Variants in CEP95 observed in about 807,000 individuals in gnomAD.
CEP95 encodes the protein centrosomal protein of 95 kDa.
A neutral mutation model predicts 111.2 loss-of-function variants in CEP95; 98 were observed. The observed-to-expected ratio is 0.88, with a 90% CI of 0.75 to 1.04. CEP95 has a LOEUF of 1.04. Ranked by LOEUF, CEP95 falls within the 50% of genes least tolerant of loss-of-function variation. The pLI, the probability that CEP95 is intolerant of heterozygous loss-of-function variation, is 0.00. For missense variants in CEP95, 1,027 were observed against 977.2 expected, an observed-to-expected ratio of 1.05 and a Z score of -0.68; for synonymous variants, 323 against 327.1, an observed-to-expected ratio of 0.99 and a Z score of 0.14.
At chr17:64,525,512 AT>A (rs1967741683) in intron 8 of CEP95, among the ~76,000 whole-genome samples, 1 of 152,154 alleles carries the variant, frequency 6.6e-6, no homozygotes, top group Non-Finnish European at 1.5e-5. Context: ...GAAATTTCAT[AT>A]TTAGAGAACA....
chr17:64,506,809 C>G (rs1555673002), upstream of CEP95: 2 of 571,482 alleles, frequency 3.5e-6, no homozygotes, highest in Non-Finnish European at 3.2e-6. Context: ...CTGATGTGGA[C>G]CGTCCGACCC....
At chr17:64,517,202 A>G (rs986578720) in intron 5 of CEP95, among the ~76,000 whole-genome samples, 2 of 152,030 alleles carry the variant, frequency 1.3e-5, no homozygotes, top group Non-Finnish European at 2.9e-5. Flanking sequence ...ACGCGCCACC[A>G]TGCCCGGCTA....
Position 64,533,195 on chromosome 17 carries a change from T to C in CEP95, c.1917+4T>C, listed in dbSNP as rs1555680819. 1.3e-6 allele frequency: 2 copies of C among 1,578,396 alleles called. No homozygotes were observed. Among genetic ancestry groups the C allele is most frequent in the South Asian group, 2.3e-5 (2 of 85,188 alleles). ...ATATGAACATAACAAGAGACTGGTA[T>C]GTCAAGAGCAAGTTGGGTATTATAA... On this transcript the variant is annotated splice_donor_region_variant and intron_variant, in intron 16 of 19. Coordinates refer to ENST00000556440, the MANE Select transcript of CEP95 (RefSeq NM_138363.3).
At chr17:64,507,189 C>T (rs2038592887) in intron 1 of CEP95, 73 bp downstream of exon 1, 3 of 1,549,192 alleles carry the variant, frequency 1.9e-6, no homozygotes, top group Admixed American at 3.9e-5. Context: ...CGGGCTAGCC[C>T]GGACTGGGTC....
intron 1 of CEP95, chr17:64,507,772 A>G (rs563120087): frequency 1.0e-6 from 1 of 985,462 alleles, no homozygotes; most frequent in Non-Finnish European, 1.2e-6. Context: ...ATTCGTTTCC[A>G]GAACGTTACG....
At chr17:64,506,915 C>T (rs577021352), upstream of CEP95, 33 of 712,292 alleles carry the variant, frequency 4.6e-5, no homozygotes, top group East Asian at 6.2e-4. Context: ...AAAGGAAGTG[C>T]TCCTCTGATG....
At chr17:64,536,420 G>T (rs990007911) in intron 17 of CEP95, 182 bp from the exon 18 acceptor site, 6 of 435,630 alleles carry the variant, frequency 1.4e-5, no homozygotes, top group African/African-American at 2.1e-5. Flanking sequence ...CTACACTCCA[G>T]CCTGGGTGAC....
At chr17:64,509,869 GCTT>G (rs1555674241) in intron 2 of CEP95, among the ~76,000 whole-genome samples, 6 of 151,528 alleles carry the variant, frequency 4.0e-5, no homozygotes, top group Admixed American at 3.3e-4. Flanking sequence ...TTAACATGGT[GCTT>G]CTTGTAAAGC....
At position 64,534,628 on chromosome 17, in the gene CEP95, CAAAGAT is replaced by C. The variant is rs1968521928; in HGVS notation, c.1965_1970del (p.Ile656_Lys657del). On this transcript the variant is annotated inframe_deletion, in exon 17 of 20. Transcript: ENST00000556440. The stretch of plus-strand genomic sequence containing the variant: ...ATTCGTAGGCAAAGGTTGACCCAAT[CAAAGAT>C]AAAAGAAAATCGACAGCAAATCGTT... 1 of 1,600,362 alleles carries C rather than the reference CAAAGAT, an allele frequency of 6.2e-7. No homozygotes were observed. Among genetic ancestry groups the C allele is most frequent in the South Asian group, 1.1e-5 (1 of 90,834 alleles).
At chr17:64,525,968 G>C (rs782252119) in intron 9 of CEP95, 86 bp downstream of exon 9, 26 of 1,492,210 alleles carry the variant, frequency 1.7e-5, no homozygotes, top group Non-Finnish European at 1.4e-5. Flanking sequence ...ATTTAGCTGT[G>C]AAGACCAGAA....
intron 13 of CEP95, 79 bp from the exon 14 acceptor site, chr17:64,531,811 C>T (rs1298762114): frequency 8.6e-6 from 9 of 1,041,876 alleles, no homozygotes; most frequent in Admixed American, 3.8e-5. Flanking sequence ...CTGTTTTTGT[C>T]AGTATGTAAT....
At chr17:64,517,993 C>T (rs1967004716) in intron 5 of CEP95, among the ~76,000 whole-genome samples, 1 of 152,120 alleles carries the variant, frequency 6.6e-6, no homozygotes, top group Non-Finnish European at 1.5e-5. Context: ...TCTTGTGCCT[C>T]AGCCTCCTGA....
chr17:64,525,748 A>G (rs910171274), intron 8 of CEP95, 22 bp from the exon 9 acceptor site: 1 of 1,501,924 alleles, frequency 6.7e-7, no homozygotes, highest in South Asian at 1.2e-5. Context: ...TTTCAAATCA[A>G]CTTTTTTTCT....
chr17:64,534,570 C>T lies in CEP95; in HGVS notation c.1918-15C>T, dbSNP rs782194764. 6 of 1,611,864 alleles carry T rather than the reference C, an allele frequency of 3.7e-6. No homozygotes were observed. Among genetic ancestry groups the T allele is most frequent in the Non-Finnish European group, 5.1e-6 (6 of 1,178,314 alleles). On this transcript the variant is annotated splice_polypyrimidine_tract_variant and intron_variant, in intron 16 of 19. Transcript: ENST00000556440. ...TGTCCTTACCCTTCTCTTCCCTCCCCTTTCCCTTTCTTAGCAAGACTTCAA... is the reference window on the plus strand; with the variant it reads ...TGTCCTTACCCTTCTCTTCCCTCCCTTTTCCCTTTCTTAGCAAGACTTCAA...
At position 64,529,435 on chromosome 17, in the gene CEP95, C is replaced by T. The variant is rs1555679845; in HGVS notation, c.1446+8C>T. 2 of 1,613,036 alleles carry T rather than the reference C, an allele frequency of 1.2e-6. No individual in the cohort carries two copies. The highest frequency in any genetic ancestry group is 2.2e-5 in the East Asian group (1 of 44,872). On this transcript the variant is annotated splice_region_variant and intron_variant, in intron 12 of 19. Coordinates refer to ENST00000556440, the MANE Select transcript of CEP95 (RefSeq NM_138363.3). ...CGCCAATTCCAAGCACAGGTTCTTCCCCATCTCTTGACTACCATTAAGCAG... is the reference window on the plus strand; with the variant it reads ...CGCCAATTCCAAGCACAGGTTCTTCTCCATCTCTTGACTACCATTAAGCAG...
chr17:64,523,566 CAA>C (rs543447385), intron 8 of CEP95, among the ~76,000 whole-genome samples: 5 of 139,906 alleles, frequency 3.6e-5, no homozygotes, highest in Admixed American at 7.2e-5. Context: ...GACTTCATCT[CAA>C]AAAAAAAAAA....
intron 7 of CEP95, 79 bp from the exon 8 acceptor site, chr17:64,522,619 TTATA>T: frequency 2.4e-6 from 2 of 844,054 alleles, no homozygotes; most frequent in Non-Finnish European, 3.7e-6. Context: ...GTGAACATGT[TTATA>T]TAGGTATGTA....
intron 3 of CEP95, 161 bp from the exon 4 acceptor site, chr17:64,514,087 C>T (rs571215907): frequency 4.7e-6 from 2 of 430,054 alleles, no homozygotes; most frequent in South Asian, 1.6e-4. Flanking sequence ...ATTGTTTCAC[C>T]TGTATTCTTT....
At chr17:64,507,982 G>A (rs1440248665) in intron 1 of CEP95, 98 of 985,248 alleles carry the variant, frequency 9.9e-5, no homozygotes, top group Non-Finnish European at 1.1e-4. Flanking sequence ...TGATAATTCT[G>A]AGCTTCATGT....
Sources: allele counts gnomAD v4.1 joint callset (sites outside exome capture counted in the v4.1 genomes callset), GRCh38; gene constraint gnomAD v4.1.1; transcripts MANE v1.5; gene names NCBI Gene and HGNC (gene_info 2026-07-23, HGNC 2026-07-21).